The following QSER1 variants were observed in gnomAD, a reference collection of about 807,000 sequenced individuals.
QSER1 encodes glutamine and serine rich 1, also known as glutamine and serine-rich protein 1.
QSER1 carries 49 observed loss-of-function variants against 158.5 expected under a neutral mutation model. That is an observed-to-expected ratio of 0.31 (90% CI 0.25 to 0.39). The LOEUF (loss-of-function observed/expected upper bound fraction) is 0.39, where lower values mean the gene tolerates loss of function less well. Ranked by LOEUF, QSER1 falls within the 10% of genes least tolerant of loss-of-function variation. The probability of loss-of-function intolerance (pLI) is 1.00; values close to 1 mark genes in which losing one functional copy is unlikely to be tolerated. For missense variants in QSER1, 1,754 were observed against 2,010.3 expected (o/e 0.87, Z 2.44); for synonymous variants, 650 against 715.5 (o/e 0.91, Z 1.46).
intron 1 of QSER1, among the ~76,000 whole-genome samples, chr11:32,896,754 T>G (rs1216602345): frequency 1.3e-5 from 2 of 152,096 alleles, no homozygotes; most frequent in African/African-American, 4.8e-5. Context: ...AATGCATACT[T>G]TTTTTTAGTA....
chr11:32,935,537 C>T (rs1852140106), intron 4 of QSER1, 102 bp downstream of exon 4: 2 of 860,182 alleles, frequency 2.3e-6, no homozygotes, highest in Non-Finnish European at 3.5e-6. Context: ...TCTGCAAGTA[C>T]ATTTTCAGGA....
chr11:32,970,114 A>T (rs995358776), intron 10 of QSER1, among the ~76,000 whole-genome samples: 1 of 152,186 alleles, frequency 6.6e-6, no homozygotes, highest in African/African-American at 2.4e-5. Context: ...TCATTTGGTT[A>T]TATCTACCTT....
At chr11:32,897,455 A>T (rs878904401) in intron 1 of QSER1, among the ~76,000 whole-genome samples, 1 of 152,278 alleles carries the variant, frequency 6.6e-6, no homozygotes, top group Non-Finnish European at 1.5e-5. Context: ...GTCACCGTTG[A>T]CCATTACCTA....
intron 4 of QSER1, among the ~76,000 whole-genome samples, chr11:32,937,401 C>T (rs983112599): frequency 1.3e-5 from 2 of 152,136 alleles, no homozygotes; most frequent in African/African-American, 4.8e-5. Context: ...CTTCCTTCCT[C>T]AGCCTCCTGA....
At chr11:32,898,482 T>TCTCACACACACACACACA (rs923127515) in intron 1 of QSER1, among the ~76,000 whole-genome samples, 1 of 142,948 alleles carries the variant, frequency 7.0e-6, no homozygotes, top group African/African-American at 2.6e-5. Flanking sequence ...TGAGAACCTG[T>TCTCACACACACACACACA]CACACACACA....
intron 8 of QSER1, among the ~76,000 whole-genome samples, chr11:32,964,733 TATATATACAC>T (rs1165869540): frequency 1.7e-4 from 20 of 115,284 alleles, no homozygotes; most frequent in Non-Finnish European, 3.3e-4. Flanking sequence ...TATATATATA[TATATATACAC>T]ACACACACAC....
intron 4 of QSER1, among the ~76,000 whole-genome samples, chr11:32,941,798 A>G (rs1852242329): frequency 6.6e-6 from 1 of 152,012 alleles, no homozygotes; most frequent in Non-Finnish European, 1.5e-5. Flanking sequence ...ATCCCTGAGC[A>G]ATCGCCACAC....
At chr11:32,926,806 T>C (rs1851978176) in intron 1 of QSER1, 1 of 152,218 alleles carries the variant, frequency 6.6e-6, no homozygotes, top group Non-Finnish European at 1.5e-5. Flanking sequence ...TTGAGTCCCT[T>C]ATTTAAATTA....
intron 3 of QSER1, among the ~76,000 whole-genome samples, chr11:32,928,409 T>G (rs1370247916): frequency 1.3e-5 from 2 of 152,202 alleles, no homozygotes; most frequent in Non-Finnish European, 2.9e-5. Flanking sequence ...ATTACTTGTC[T>G]ACTTGAAAGA....
At chr11:32,948,085 G>A (rs987505914) in intron 4 of QSER1, among the ~76,000 whole-genome samples, 5 of 152,128 alleles carry the variant, frequency 3.3e-5, no homozygotes, top group Non-Finnish European at 4.4e-5. Context: ...CAGTGCAGCC[G>A]TTTCTAGAAA....
At chr11:32,959,191 G>A (rs573753488) in intron 8 of QSER1, among the ~76,000 whole-genome samples, 25 of 152,254 alleles carry the variant, frequency 1.6e-4, no homozygotes, top group South Asian at 6.2e-4. Flanking sequence ...GAACACAGCC[G>A]CATAGATTCA....
rs371004126 is a variant in QSER1, at chr11:32,931,967, A to C, written c.709A>C (p.Thr237Pro). Residue 237 changes from threonine (T) to proline (P), a missense_variant, in exon 4 of 13, where the codon ACT (threonine) becomes CCT (proline). By Grantham distance (38) the Thr-to-Pro change is conservative. Transcript: ENST00000650167. ...GCTACAAATCAAGACTTCCCAGGGA[A>C]CTGTTCCAACTGCTTTGGCATTTGA... Reference protein sequence around the residue: ...PLLQIKTSQGTVPTALAFERL... With the variant: ...PLLQIKTSQGPVPTALAFERL... The C allele has an allele frequency of 5.0e-6, 8 of 1,614,044 alleles. No homozygotes were observed. The highest frequency in any genetic ancestry group is 6.8e-6 in the Non-Finnish European group (8 of 1,180,030).
At chr11:32,938,819 G>A (rs1331428459) in intron 4 of QSER1, among the ~76,000 whole-genome samples, 4 of 151,872 alleles carry the variant, frequency 2.6e-5, no homozygotes, top group African/African-American at 9.7e-5. Context: ...TGCAGTATAG[G>A]AGTTGGATTA....
rs1022085269 is a variant in QSER1 at position 32,893,832 on chromosome 11, G to C, written c.209+498G>C. Among the ~76,000 whole-genome samples the C allele has an allele frequency of 6.6e-6, 1 of 152,194 alleles. No homozygotes were observed. The highest frequency in any genetic ancestry group is 1.5e-5 in the Non-Finnish European group (1 of 68,014). On this transcript the variant is annotated intron_variant, in intron 1 of 12. Coordinates refer to ENST00000650167, the MANE Select transcript of QSER1 (RefSeq NM_001076786.3). The surrounding 1 kb of genome is among the most constrained non-coding windows in gnomAD (Gnocchi z 4.7). The stretch of plus-strand genomic sequence containing the variant: ...GCGTCCCGGAGACACTGGGGGGCCC[G>C]GGAGGGCTGGGCTACGGGAGAATCC...
rs1443387398 is a variant in QSER1 at position 32,931,888 on chromosome 11, G to A, written c.630G>A (p.Gln210=). Reference sequence around the variant, plus strand: ...CTACCACTTCACCTTTGGTGCTTCAGGATTCAACTTTTAACACTACATCAA... The same window carrying A: ...CTACCACTTCACCTTTGGTGCTTCAAGATTCAACTTTTAACACTACATCAA... ...NFATTSPLVL[Q]DSTFNTTSNG... The change falls in exon 4 of 13, where the codon CAG becomes CAA. Residue 210 remains glutamine, a synonymous_variant. Transcript: ENST00000650167. The A allele has an allele frequency of 6.2e-7, 1 of 1,614,048 alleles. No individual in the cohort carries two copies. Among genetic ancestry groups the A allele is most frequent in the Non-Finnish European group, 8.5e-7 (1 of 1,180,022 alleles).
chr11:32,912,296 G>T (rs997687421), intron 1 of QSER1, among the ~76,000 whole-genome samples: 1 of 152,090 alleles, frequency 6.6e-6, no homozygotes, highest in East Asian at 1.9e-4. Flanking sequence ...CATGATTCCT[G>T]TCTTCCCCGC....
chr11:32,902,715 G>A (rs1851640777), intron 1 of QSER1, among the ~76,000 whole-genome samples: 1 of 152,174 alleles, frequency 6.6e-6, no homozygotes, highest in Non-Finnish European at 1.5e-5. Context: ...AGAATGAAGG[G>A]CTGAGAACTG....
chr11:32,920,999 A>G (rs918864991), intron 1 of QSER1, among the ~76,000 whole-genome samples: 5 of 152,204 alleles, frequency 3.3e-5, no homozygotes, highest in Non-Finnish European at 4.4e-5. Context: ...ACTCCTGGAT[A>G]TATATACCCA....
At chr11:32,972,642 G>T (rs927476656) in intron 10 of QSER1, among the ~76,000 whole-genome samples, 4 of 151,958 alleles carry the variant, frequency 2.6e-5, no homozygotes, top group Non-Finnish European at 5.9e-5. Context: ...TGCCATGTTG[G>T]TCAGGCTGGT....
Sources: allele counts gnomAD v4.1 joint callset (sites outside exome capture counted in the v4.1 genomes callset), GRCh38; gene constraint gnomAD v4.1.1; non-coding constraint Gnocchi (gnomAD v3.1); transcripts MANE v1.5; gene names NCBI Gene and HGNC (gene_info 2026-07-23, HGNC 2026-07-21).